TBL1X: variants seen among roughly 807,000 people sequenced by gnomAD.
TBL1X encodes transducin beta like 1 X-linked, also known as F-box-like/WD repeat-containing protein TBL1X.
Under a neutral mutation model 50.7 loss-of-function variants are expected in TBL1X, and 10 were observed. That is an observed-to-expected ratio of 0.20 (90% CI 0.12 to 0.33). The LOEUF (loss-of-function observed/expected upper bound fraction) is 0.33. TBL1X is among the 10% of genes least tolerant of loss of function. TBL1X has a pLI of 1.00. For missense variants in TBL1X, 340 were observed against 504.4 expected (o/e 0.67, Z 3.12); for synonymous variants, 190 against 214.7 (o/e 0.88, Z 1.01).
At chrX:9,615,918 G>T (rs1323078850) in intron 2 of TBL1X, among the ~76,000 whole-genome samples, 1 of 111,962 alleles carries the variant, frequency 8.9e-6, no homozygotes, top group Non-Finnish European at 1.9e-5. Flanking sequence ...TGAACACTTA[G>T]AATCCTCAGT....
intron 5 of TBL1X, among the ~76,000 whole-genome samples, chrX:9,658,592 C>G (rs188299224): frequency 9.0e-6 from 1 of 111,605 alleles, no homozygotes; most frequent in African/African-American, 3.3e-5. Context: ...TCCTCTGGGA[C>G]TTCATCCCAA....
chrX:9,494,346 C>T (rs1467754129), intron 1 of TBL1X, among the ~76,000 whole-genome samples: 3 of 111,247 alleles, frequency 2.7e-5, no homozygotes, highest in Non-Finnish European at 3.8e-5. Context: ...TACTCATGTG[C>T]GTCTGACATA....
chrX:9,521,140 T>G (rs1241715966), intron 2 of TBL1X, among the ~76,000 whole-genome samples: 1 of 109,147 alleles, frequency 9.2e-6, no homozygotes, highest in Non-Finnish European at 1.9e-5. Context: ...AGATAAAGAA[T>G]GGGGGGAGGG....
intron 6 of TBL1X, among the ~76,000 whole-genome samples, chrX:9,684,598 T>TTAAAAAAA (rs746186550): frequency 2.0e-5 from 1 of 51,271 alleles, no homozygotes; most frequent in African/African-American, 8.3e-5. Context: ...TCTCTAAAAT[T>TTAAAAAAA]AAAAAAAAAA....
chrX:9,706,949 C>T (rs767813108), intron 13 of TBL1X, among the ~76,000 whole-genome samples: 2 of 111,803 alleles, frequency 1.8e-5, no homozygotes, highest in South Asian at 3.8e-4. Flanking sequence ...GGAGGATTCA[C>T]GGCACCCCCT....
At chrX:9,666,903 G>A (rs974948686) in intron 5 of TBL1X, among the ~76,000 whole-genome samples, 4 of 111,876 alleles carry the variant, frequency 3.6e-5, no homozygotes, top group Non-Finnish European at 7.5e-5. Context: ...ATGTATTTTT[G>A]GTAAAATGTT....
chrX:9,498,097 A>G (rs1394144586), intron 1 of TBL1X, among the ~76,000 whole-genome samples: 2 of 110,765 alleles, frequency 1.8e-5, no homozygotes, highest in Non-Finnish European at 3.8e-5. Flanking sequence ...ATACAAATTA[A>G]TTTTTCTTTT....
intron 2 of TBL1X, among the ~76,000 whole-genome samples, chrX:9,590,878 T>C (rs2082496216): frequency 9.2e-6 from 1 of 109,280 alleles, no homozygotes. Context: ...AAAGAAACCA[T>C]TGAGTATGAG....
At position 9,714,962 on chromosome X, in the gene TBL1X, G is replaced by A. The variant is rs2083269466; in HGVS notation, c.1666G>A (p.Ala556Thr). 4 of 1,210,330 alleles carry A rather than the reference G, an allele frequency of 3.3e-6. No individual in the cohort carries two copies. Among genetic ancestry groups the A allele is most frequent in the Admixed American group, 2.2e-5 (1 of 45,840 alleles). Residue 556 changes from alanine to threonine, a missense_variant, in exon 17 of 18, where the codon GCC becomes ACC. Around this residue, in one of 6 missense-constraint regions of TBL1X, gnomAD observed 170 missense variants for 272.6 expected, o/e 0.62. Transcript: ENST00000645353. ...CGGCATCTTCGAGGTGTGCTGGAAC[G>A]CCCGAGGAGACAAAGTGGGTGCCAG... Reference protein sequence around the residue: ...TGGIFEVCWNARGDKVGASAS... With the variant: ...TGGIFEVCWNTRGDKVGASAS...
chrX:9,523,985 T>TTTTTTA lies in TBL1X; in HGVS notation c.-131+22137_-131+22138insTTTTAT, dbSNP rs1555963929. Among the ~76,000 whole-genome samples the TTTTTTA allele has an allele frequency of 1.1e-3, 108 of 94,829 alleles. 1 individual carries two copies. Among genetic ancestry groups the TTTTTTA allele is most frequent in the African/African-American group, 4.3e-3 (106 of 24,701 alleles). 82.3% of individuals were successfully genotyped at this position (94,829 alleles called of 115,157 possible). On this transcript the variant is annotated intron_variant, in intron 2 of 17. Coordinates refer to ENST00000645353, the MANE Select transcript of TBL1X (RefSeq NM_005647.4). ...CTTTTTTTTTTTTTTTTTTTTTTTTTTAGACAGAGTCTCACTCTGTTGCCC... is the reference window on the plus strand; with the variant it reads ...CTTTTTTTTTTTTTTTTTTTTTTTTTTTTTTATAGACAGAGTCTCACTCTGTTGCCC...
chrX:9,494,134 C>T lies in TBL1X; in HGVS notation c.-200-7646C>T, dbSNP rs567965512. On this transcript the variant is annotated intron_variant, in intron 1 of 17. Coordinates refer to ENST00000645353, the MANE Select transcript of TBL1X (RefSeq NM_005647.4). ...ATGTGGTGCGGTCCAGTGGCTACAG[C>T]GTTGTCTTTGGGATCTTCACTTGGC... 8.3e-4 allele frequency among the ~76,000 whole-genome samples: 93 copies of T among 111,667 alleles called. 2 individuals are homozygous for T. In the South Asian group the frequency reaches 0.033, roughly 40 times the overall value.
chrX:9,550,193 A>T (rs766092694), intron 2 of TBL1X, among the ~76,000 whole-genome samples: 2 of 110,415 alleles, frequency 1.8e-5, no homozygotes, highest in Non-Finnish European at 3.8e-5. Context: ...CCACAGCTTT[A>T]CCTTAATTGG....
chrX:9,697,750 G>A (rs891558879), intron 12 of TBL1X, among the ~76,000 whole-genome samples: 1 of 111,495 alleles, frequency 9.0e-6, no homozygotes, highest in African/African-American at 3.3e-5. Flanking sequence ...CATCCTGGGC[G>A]ACAGAGCCAG....
At chrX:9,521,504 C>T (rs16985572) in intron 2 of TBL1X, among the ~76,000 whole-genome samples, 2,804 of 111,609 alleles carry the variant, frequency 0.025, 96 homozygotes, top group African/African-American at 0.085. Flanking sequence ...GAGTCAAGGC[C>T]TTCTGTTTAA....
At chrX:9,601,898 G>C (rs183052130) in intron 2 of TBL1X, among the ~76,000 whole-genome samples, 114 of 111,261 alleles carry the variant, frequency 1.0e-3, no homozygotes, top group Non-Finnish European at 1.7e-3. Context: ...AAAAAAATTA[G>C]CTGGGCATGG....
At chrX:9,623,690 C>CAAAG (rs1311834716) in intron 2 of TBL1X, among the ~76,000 whole-genome samples, 1 of 111,369 alleles carries the variant, frequency 9.0e-6, no homozygotes, top group African/African-American at 3.3e-5. Flanking sequence ...CTGTCTCAAA[C>CAAAG]AAACAAACAA....
intron 6 of TBL1X, 126 bp downstream of exon 6, chrX:9,684,314 G>T (rs1451154745): frequency 1.0e-6 from 1 of 953,469 alleles, no homozygotes; most frequent in Non-Finnish European, 1.4e-6. Flanking sequence ...GCAGGGTGCA[G>T]TGGCTCATGC....
At chrX:9,613,711 C>T (rs1014574033) in intron 2 of TBL1X, among the ~76,000 whole-genome samples, 10 of 111,057 alleles carry the variant, frequency 9.0e-5, no homozygotes, top group Non-Finnish European at 1.9e-4. Context: ...TAAGGCTGGG[C>T]GCGGTGGCTC....
In TBL1X at chrX:9,633,966, C is replaced by T. The variant is rs755233176; in HGVS notation, c.-130-6307C>T. ...GGATACGTGCTGCCCAGGATACGTA[C>T]GTGCAGCCCAGAGCTGGGAGGAAAT... On this transcript the variant is annotated intron_variant, in intron 2 of 17. Transcript: ENST00000645353. Among the ~76,000 whole-genome samples the T allele has an allele frequency of 5.4e-5, 6 of 111,224 alleles. No individual in the cohort carries two copies. The South Asian group carries it at 1.5e-3, about 28-fold the overall frequency.
Sources: gnomAD v4.1 joint callset for allele counts (sites outside exome capture counted in the v4.1 genomes callset) on GRCh38, gnomAD v4.1.1 for gene constraint, gnomAD v4.1.1 regional missense constraint, MANE v1.5 for transcripts, NCBI Gene and HGNC (gene_info 2026-07-23, HGNC 2026-07-21) for gene names.